The following ATP8B1 variants were observed in gnomAD, a reference collection of about 807,000 sequenced individuals.
ATP8B1 encodes the protein phospholipid-transporting ATPase IC.
ATP8B1 carries 80 observed loss-of-function variants against 149.9 expected under a neutral mutation model. The ratio of observed to expected loss-of-function variants is 0.53; its 90% CI spans 0.45 to 0.64. The LOEUF is 0.64. Ranked by LOEUF, ATP8B1 falls within the 30% of genes least tolerant of loss-of-function variation. The pLI is 0.00. For synonymous variants in ATP8B1, 536 were observed against 562.8 expected, an observed-to-expected ratio of 0.95 and a Z score of 0.67; for missense variants, 1,247 against 1,552.6, an observed-to-expected ratio of 0.80 and a Z score of 3.31.
intron 15 of ATP8B1, among the ~76,000 whole-genome samples, chr18:57,677,708 C>G (rs962147255): frequency 3.3e-5 from 5 of 152,226 alleles, no homozygotes; most frequent in Middle Eastern, 3.2e-3. Context: ...CTTCCTAAAT[C>G]CGGCCATCTA....
At chr18:57,707,368 T>C (rs145439113) in intron 2 of ATP8B1, among the ~76,000 whole-genome samples, 88 of 152,228 alleles carry the variant, frequency 5.8e-4, no homozygotes, top group Middle Eastern at 3.4e-3. Context: ...TCCATGAACA[T>C]GCATGCTGGA....
At chr18:57,732,975 C>T (rs79208600) in intron 1 of ATP8B1, among the ~76,000 whole-genome samples, 17,996 of 151,568 alleles carry the variant, frequency 0.12, 1,362 homozygotes, top group South Asian at 0.28. Context: ...TTTAATATAA[C>T]CTTAGATCTT....
In ATP8B1 at chr18:57,662,559, T is replaced by C. The variant is rs1910534071; in HGVS notation, c.2342A>G (p.Lys781Arg). Residue 781 changes from lysine to arginine, a missense_variant, in exon 21 of 28, where the codon AAG (lysine) becomes AGG (arginine). Physicochemically the swap from Lys to Arg is conservative, Grantham distance 26 (BLOSUM62 2). Transcript: ENST00000648908. ...NQRNRGGVYA[K>R]FAPPVQESFF... ...AGATTCCTGCACAGGAGGTGCAAACTTTGCGTAGACGCCACCTCTATTCCT... is the reference window on the plus strand; with the variant it reads ...AGATTCCTGCACAGGAGGTGCAAACCTTGCGTAGACGCCACCTCTATTCCT... 2 of 1,614,060 alleles carry C rather than the reference T, an allele frequency of 1.2e-6. No homozygotes were observed. Among genetic ancestry groups the C allele is most frequent in the Admixed American group, 3.3e-5 (2 of 59,990 alleles).
intron 1 of ATP8B1, among the ~76,000 whole-genome samples, chr18:57,775,642 GTTTTTT>G (rs35786009): frequency 1.1e-5 from 1 of 95,052 alleles, no homozygotes; most frequent in Admixed American, 1.1e-4. Context: ...AACTGGCCAT[GTTTTTT>G]TTTTTTTTTT....
chr18:57,705,029 C>G (rs944252905), intron 3 of ATP8B1, among the ~76,000 whole-genome samples: 1 of 152,046 alleles, frequency 6.6e-6, no homozygotes, highest in African/African-American at 2.4e-5. Context: ...AGTTGCAGAT[C>G]GCCCCACTGC....
intron 1 of ATP8B1, among the ~76,000 whole-genome samples, chr18:57,778,382 C>T (rs969029675): frequency 5.9e-5 from 9 of 151,898 alleles, no homozygotes; most frequent in Non-Finnish European, 1.0e-4. Context: ...CCCGCCGCTA[C>T]GCCCGGCTAA....
chr18:57,664,067 CCCT>C (rs1231516279), intron 20 of ATP8B1, among the ~76,000 whole-genome samples: 3 of 41,412 alleles, frequency 7.2e-5, no homozygotes, highest in Admixed American at 4.5e-4. Flanking sequence ...GCCTGGCCAG[CCCT>C]TTTTTTTTTT....
chr18:57,766,490 C>T (rs1395361845), intron 1 of ATP8B1, among the ~76,000 whole-genome samples: 1 of 152,158 alleles, frequency 6.6e-6, no homozygotes, highest in Non-Finnish European at 1.5e-5. Context: ...GTGCTAAAAG[C>T]TAGGGACAGT....
chr18:57,770,011 C>G (rs1265037377), intron 1 of ATP8B1, among the ~76,000 whole-genome samples: 1 of 151,748 alleles, frequency 6.6e-6, no homozygotes, highest in Non-Finnish European at 1.5e-5. Context: ...AGATTAAAAC[C>G]CAGCCAGCCC....
intron 22 of ATP8B1, among the ~76,000 whole-genome samples, chr18:57,660,265 C>T (rs1214316148): frequency 1.3e-5 from 2 of 152,072 alleles, no homozygotes; most frequent in Non-Finnish European, 2.9e-5. Context: ...ATTCTAGCAT[C>T]CAGAAAAAGG....
rs1332069195 is a variant in ATP8B1, at chr18:57,697,692, T to A, written c.628-4A>T. 1 of 1,613,560 alleles carries A rather than the reference T, an allele frequency of 6.2e-7. No homozygotes were observed. Among genetic ancestry groups the A allele is most frequent in the Admixed American group, 1.7e-5 (1 of 59,964 alleles). Reference sequence around the variant, plus strand: ...TAGACAGCAGGAGAATGTCAGCCTGTCCAAAACAAAACACACAAATAACAC... The same window carrying A: ...TAGACAGCAGGAGAATGTCAGCCTGACCAAAACAAAACACACAAATAACAC... On this transcript the variant is annotated splice_region_variant and splice_polypyrimidine_tract_variant and intron_variant, in intron 7 of 27. Transcript: ENST00000648908.
At chr18:57,753,326 G>A (rs900899273) in intron 1 of ATP8B1, among the ~76,000 whole-genome samples, 3 of 152,250 alleles carry the variant, frequency 2.0e-5, no homozygotes, top group Non-Finnish European at 4.4e-5. Context: ...TGGAAAGAGA[G>A]GAAGTGGACA....
intron 1 of ATP8B1, among the ~76,000 whole-genome samples, chr18:57,781,410 T>G (rs2080355669): frequency 6.6e-6 from 1 of 152,230 alleles, no homozygotes; most frequent in South Asian, 2.1e-4. Context: ...GAACCACCTG[T>G]TTTTGAGCTA....
At position 57,665,513 on chromosome 18, in the gene ATP8B1, C is replaced by G. The variant is rs117110229; in HGVS notation, c.2285+1579G>C. On this transcript the variant is annotated intron_variant, in intron 20 of 27. Coordinates refer to ENST00000648908, the MANE Select transcript of ATP8B1 (RefSeq NM_001374385.1). ...TCAGATTACTTGAAGCCCAAAACTA[C>G]TAAAGTAAACTCATTAAGCATTAAG... Among the ~76,000 whole-genome samples the G allele has an allele frequency of 2.2e-3, 336 of 152,076 alleles. 10 individuals carry two copies. The East Asian group carries it at 0.048, about 22-fold the overall frequency.
At chr18:57,695,350 A>C (rs1239239843) in intron 9 of ATP8B1, 21 bp from the exon 10 acceptor site, 1 of 1,593,744 alleles carries the variant, frequency 6.3e-7, no homozygotes. Context: ...TATAAGATTC[A>C]CATAATTAAT....
chr18:57,723,793 T>A (rs1299619700), intron 2 of ATP8B1, among the ~76,000 whole-genome samples: 3 of 148,250 alleles, frequency 2.0e-5, no homozygotes, highest in Non-Finnish European at 3.0e-5. Flanking sequence ...GATTGCCAAG[T>A]CAATCCTAAG....
chr18:57,764,310 T>C (rs7226959), intron 1 of ATP8B1, among the ~76,000 whole-genome samples: 43,665 of 149,276 alleles, frequency 0.29, 6,556 homozygotes, highest in Middle Eastern at 0.33. Flanking sequence ...TCCTTCCTTC[T>C]TTCTTTCTTT....
intron 16 of ATP8B1, among the ~76,000 whole-genome samples, chr18:57,672,578 A>G (rs1911270304): frequency 6.6e-6 from 1 of 152,026 alleles, no homozygotes. Flanking sequence ...AATAATATAT[A>G]CCTTCTGGCT....
intron 16 of ATP8B1, among the ~76,000 whole-genome samples, chr18:57,673,576 A>G (rs1447537980): frequency 6.6e-6 from 1 of 151,732 alleles, no homozygotes; most frequent in East Asian, 1.9e-4. Flanking sequence ...TTACTCTCAA[A>G]TGGTTCAGAA....
Sources: gnomAD v4.1 joint callset for allele counts (sites outside exome capture counted in the v4.1 genomes callset) on GRCh38, gnomAD v4.1.1 for gene constraint, MANE v1.5 for transcripts, NCBI Gene and HGNC (gene_info 2026-07-23, HGNC 2026-07-21) for gene names.